CD109: variants seen among roughly 807,000 people sequenced by gnomAD.
CD109 encodes CD109 molecule.
A neutral mutation model predicts 165.8 loss-of-function variants in CD109; 149 were observed. The ratio of observed to expected loss-of-function variants is 0.90; its 90% CI spans 0.79 to 1.03. The LOEUF (loss-of-function observed/expected upper bound fraction) is 1.03. CD109 is among the 50% of genes least tolerant of loss of function. The probability of loss-of-function intolerance (pLI) is 0.00; values close to 1 mark genes in which losing one functional copy is unlikely to be tolerated. For missense variants in CD109, 1,712 were observed against 1,677.8 expected, an observed-to-expected ratio of 1.02 and a Z score of -0.36; for synonymous variants, 585 against 592.1, an observed-to-expected ratio of 0.99 and a Z score of 0.18.
chr6:73,721,736 GATTT>G (rs774930293), intron 2 of CD109, among the ~76,000 whole-genome samples: 1 of 150,782 alleles, frequency 6.6e-6, no homozygotes. Context: ...TCTTTTTATT[GATTT>G]ATTTATTTAT....
chr6:73,696,349 C>T (rs1054060835), intron 1 of CD109, 60 bp downstream of exon 1: 13 of 1,325,668 alleles, frequency 9.8e-6, no homozygotes, highest in Non-Finnish European at 1.2e-5. Context: ...CTCTGCGGCT[C>T]TGGGCCAGGG....
At chr6:73,781,173 G>C in intron 16 of CD109, 86 bp from the exon 17 acceptor site, 2 of 1,053,024 alleles carry the variant, frequency 1.9e-6, no homozygotes, top group Middle Eastern at 2.2e-4. Context: ...GAGCACAAGT[G>C]AGTCAGGAGT....
At chr6:73,710,164 A>G (rs1192506484) in intron 2 of CD109, among the ~76,000 whole-genome samples, 1 of 152,226 alleles carries the variant, frequency 6.6e-6, no homozygotes, top group Non-Finnish European at 1.5e-5. Context: ...CCCTGTTTGT[A>G]GATGACATGA....
At chr6:73,757,197 T>C (rs1188704461) in intron 6 of CD109, among the ~76,000 whole-genome samples, 3 of 152,238 alleles carry the variant, frequency 2.0e-5, no homozygotes, top group African/African-American at 7.2e-5. Flanking sequence ...GTATTAGTTA[T>C]AATTTGAATA....
chr6:73,791,132 C>CATATATATATATAT (rs1163631661), intron 22 of CD109, among the ~76,000 whole-genome samples: 1 of 46,826 alleles, frequency 2.1e-5, no homozygotes, highest in African/African-American at 1.2e-4. Context: ...TATATACATA[C>CATATATATATATAT]ATACATATAT....
intron 13 of CD109, 143 bp from the exon 14 acceptor site, chr6:73,767,912 G>T: frequency 1.5e-6 from 1 of 680,518 alleles, no homozygotes; most frequent in East Asian, 2.6e-5. Context: ...GTTTGTCAGA[G>T]AGGTTTTCCT....
intron 23 of CD109, among the ~76,000 whole-genome samples, chr6:73,795,378 G>A (rs7751669): frequency 0.54 from 81,712 of 151,310 alleles, 22,583 homozygotes; most frequent in African/African-American, 0.65. Flanking sequence ...TAATTTCAGT[G>A]TGTGTCCTAG....
At chr6:73,748,684 A>AC (rs1446267272) in intron 5 of CD109, among the ~76,000 whole-genome samples, 1 of 152,224 alleles carries the variant, frequency 6.6e-6, no homozygotes, top group African/African-American at 2.4e-5. Flanking sequence ...TAGGAACTGG[A>AC]CACCTCTATT....
At position 73,730,406 on chromosome 6, in the gene CD109, G is replaced by A; in HGVS notation, c.339G>A (p.Glu113=). ...ELRVTGRTQD[E]ILFSNSTRLS... Reference sequence around the variant, plus strand: ...GTGTAACCGGACGTACCCAGGATGAGATTTTATTCTCTAATAGTACCCGCT... The same window carrying A: ...GTGTAACCGGACGTACCCAGGATGAAATTTTATTCTCTAATAGTACCCGCT... The change falls in exon 4 of 33, where the codon GAG becomes GAA. Residue 113 remains glutamate, a synonymous_variant. Coordinates refer to ENST00000287097, the MANE Select transcript of CD109 (RefSeq NM_133493.5). The A allele has an allele frequency of 6.2e-7, 1 of 1,614,064 alleles. No homozygotes were observed. The highest frequency in any genetic ancestry group is 8.5e-7 in the Non-Finnish European group (1 of 1,179,930).
chr6:73,725,793 G>A (rs1772120984), intron 3 of CD109, among the ~76,000 whole-genome samples: 2 of 152,100 alleles, frequency 1.3e-5, no homozygotes, highest in Admixed American at 6.5e-5. Context: ...GATTACAGGC[G>A]CAAGCCACTG....
chr6:73,730,608 T>C, intron 4 of CD109, 34 bp downstream of exon 4: 1 of 1,405,568 alleles, frequency 7.1e-7, no homozygotes, highest in South Asian at 1.2e-5. Flanking sequence ...CAAGGAATTC[T>C]AGCCATCTTA....
chr6:73,767,067 C>A, intron 13 of CD109, 57 bp downstream of exon 13: 1 of 1,462,124 alleles, frequency 6.8e-7, no homozygotes, highest in South Asian at 1.2e-5. Flanking sequence ...TTTTTATTCA[C>A]TTTTAAGTTC....
intron 23 of CD109, among the ~76,000 whole-genome samples, chr6:73,802,682 G>A (rs1775411370): frequency 6.6e-6 from 1 of 150,688 alleles, no homozygotes; most frequent in African/African-American, 2.4e-5. Context: ...ACTTTAATTT[G>A]GGATATCACA....
At chr6:73,767,924 C>T in intron 13 of CD109, 131 bp from the exon 14 acceptor site, 2 of 741,342 alleles carry the variant, frequency 2.7e-6, no homozygotes, top group Non-Finnish European at 4.6e-6. Context: ...GGTTTTCCTG[C>T]ATTCCAAAAG....
At chr6:73,820,667 A>C (rs1776077029) in intron 32 of CD109, 104 bp downstream of exon 32, 1 of 602,562 alleles carries the variant, frequency 1.7e-6, no homozygotes, top group African/African-American at 1.9e-5. Context: ...CGAGGGCAGG[A>C]TTTGGTAGGA....
intron 22 of CD109, among the ~76,000 whole-genome samples, chr6:73,791,196 T>TATATATATATATATACACATAC (rs1774945888): frequency 4.5e-5 from 1 of 22,286 alleles, no homozygotes; most frequent in Non-Finnish European, 9.9e-5. Context: ...CACATACATA[T>TATATATATATATATACACATAC]ATATATATAT....
intron 7 of CD109, among the ~76,000 whole-genome samples, chr6:73,761,622 A>C (rs1773635294): frequency 6.6e-6 from 1 of 152,076 alleles, no homozygotes; most frequent in African/African-American, 2.4e-5. Flanking sequence ...TCCTGGGTTC[A>C]AACAGTTCTC....
In CD109 at chr6:73,782,665, T is replaced by C; in HGVS notation, c.2015T>C (p.Ile672Thr). 1.2e-6 allele frequency: 2 copies of C among 1,613,804 alleles called. No homozygotes were observed. The highest frequency in any genetic ancestry group is 1.7e-5 in the Admixed American group (1 of 60,022). Residue 672 changes from isoleucine to threonine, a missense_variant, in exon 18 of 33, where the codon ATT becomes ACT. Physicochemically the swap from Ile to Thr is moderately conservative, Grantham distance 89 (BLOSUM62 -1). Transcript: ENST00000287097. ...TTTATGGAGGAAAATGAAGGACATA[T>C]TGTAGATATTCATGACTTTTCTTTG... ...ERFMEENEGH[I>T]VDIHDFSLGS...
chr6:73,724,118 T>C (rs1171312777), intron 3 of CD109, among the ~76,000 whole-genome samples: 1 of 152,244 alleles, frequency 6.6e-6, no homozygotes, highest in Non-Finnish European at 1.5e-5. Flanking sequence ...TTAATTTTGA[T>C]ATTTTAAAAT....
Sources: allele counts gnomAD v4.1 joint callset (sites outside exome capture counted in the v4.1 genomes callset), GRCh38; gene constraint gnomAD v4.1.1; transcripts MANE v1.5; gene names NCBI Gene and HGNC (gene_info 2026-07-23, HGNC 2026-07-21).